Variants in ERC2 observed in about 807,000 individuals in gnomAD.
ERC2 encodes the protein ERC protein 2.
In ERC2, 42 loss-of-function variants were observed where a neutral mutation model predicts 114.8. The ratio of observed to expected loss-of-function variants is 0.37; its 90% CI spans 0.29 to 0.47. The LOEUF is 0.47. Among genes scored for constraint, ERC2 ranks in the 20% least tolerant of loss-of-function variants. The pLI is 0.99. For missense variants in ERC2, 939 were observed against 1,150.7 expected (o/e 0.82, Z 2.66); for synonymous variants, 454 against 425.5 (o/e 1.07, Z -0.82).
chr3:56,149,160 A>C (rs1447209811), intron 4 of ERC2, 28 bp from the exon 5 acceptor site: 1 of 1,528,342 alleles, frequency 6.5e-7, no homozygotes, highest in South Asian at 1.3e-5. Context: ...AAGAAAAAGA[A>C]AAATAAAGAA....
chr3:56,177,715 A>G (rs1026349787), intron 3 of ERC2, among the ~76,000 whole-genome samples: 2 of 152,192 alleles, frequency 1.3e-5, no homozygotes, highest in Non-Finnish European at 2.9e-5. Flanking sequence ...AAAAGTCAGG[A>G]GCCTGCAGTC....
intron 17 of ERC2, among the ~76,000 whole-genome samples, chr3:55,514,715 AC>A (rs1007700496): frequency 6.6e-6 from 1 of 152,080 alleles, no homozygotes; most frequent in Non-Finnish European, 1.5e-5. Flanking sequence ...TCTGCCAAAA[AC>A]CCGAAGGAGC....
chr3:56,058,484 TTA>T (rs1226329645), intron 7 of ERC2, among the ~76,000 whole-genome samples: 1 of 152,208 alleles, frequency 6.6e-6, no homozygotes, highest in Admixed American at 6.5e-5. Flanking sequence ...ACTGTTAATT[TTA>T]TGTGTCAATT....
At chr3:55,662,226 T>C (rs1159234027) in intron 17 of ERC2, among the ~76,000 whole-genome samples, 1 of 152,242 alleles carries the variant, frequency 6.6e-6, no homozygotes, top group African/African-American at 2.4e-5. Flanking sequence ...TGGGTCTCTA[T>C]TGTGCAGAAA....
intron 17 of ERC2, among the ~76,000 whole-genome samples, chr3:55,643,208 T>C (rs2060259482): frequency 6.6e-6 from 1 of 152,244 alleles, no homozygotes; most frequent in Non-Finnish European, 1.5e-5. Flanking sequence ...GCAATCATCA[T>C]AGATTTAGAA....
At chr3:56,372,728 G>GA (rs537405908) in intron 2 of ERC2, among the ~76,000 whole-genome samples, 3 of 151,600 alleles carry the variant, frequency 2.0e-5, no homozygotes, top group Admixed American at 6.6e-5. Context: ...ACTCTGCCTT[G>GA]AAAAAAAAGA....
At chr3:55,831,978 TACGTCC>T (rs1200868139) in intron 14 of ERC2, among the ~76,000 whole-genome samples, 1 of 152,238 alleles carries the variant, frequency 6.6e-6, no homozygotes, top group Non-Finnish European at 1.5e-5. Flanking sequence ...CAGAGGGTCC[TACGTCC>T]ACGGAGTTTC....
intron 6 of ERC2, among the ~76,000 whole-genome samples, chr3:56,093,407 C>T (rs900326722): frequency 3.3e-5 from 5 of 152,062 alleles, no homozygotes; most frequent in African/African-American, 9.7e-5. Context: ...TTCTATGATA[C>T]ATTCCCTCCA....
intron 2 of ERC2, among the ~76,000 whole-genome samples, chr3:56,300,836 T>C (rs537458665): frequency 2.0e-5 from 3 of 152,300 alleles, no homozygotes; most frequent in South Asian, 2.1e-4. Context: ...CACGACATCA[T>C]TGGCCTCTGA....
At chr3:56,362,499 G>A (rs965973301) in intron 2 of ERC2, among the ~76,000 whole-genome samples, 5 of 152,142 alleles carry the variant, frequency 3.3e-5, no homozygotes, top group Admixed American at 1.3e-4. Context: ...TGTTGGGGAA[G>A]GAAAGAGATA....
At chr3:56,396,872 C>T (rs1010214273) in intron 2 of ERC2, among the ~76,000 whole-genome samples, 14 of 152,084 alleles carry the variant, frequency 9.2e-5, no homozygotes, top group Middle Eastern at 3.2e-3. Context: ...GTGGCTGCTT[C>T]CTACCTTCCA....
intron 15 of ERC2, among the ~76,000 whole-genome samples, chr3:55,717,053 G>A (rs115858890): frequency 0.019 from 2,854 of 152,150 alleles, 37 homozygotes; most frequent in Middle Eastern, 0.031. Flanking sequence ...CCCTAGAGTA[G>A]GTATTCAGTG....
At chr3:55,813,014 T>C (rs1292820780) in intron 14 of ERC2, among the ~76,000 whole-genome samples, 3 of 152,254 alleles carry the variant, frequency 2.0e-5, no homozygotes, top group Non-Finnish European at 2.9e-5. Flanking sequence ...CACTTTCTTA[T>C]TTCAATTCTC....
At chr3:56,363,081 G>T (rs2059019443) in intron 2 of ERC2, among the ~76,000 whole-genome samples, 1 of 152,126 alleles carries the variant, frequency 6.6e-6, no homozygotes, top group Admixed American at 6.6e-5. Flanking sequence ...ATACTTTTAT[G>T]ATATAGAAGG....
At chr3:56,236,894 C>T (rs551476048) in intron 3 of ERC2, among the ~76,000 whole-genome samples, 60 of 152,076 alleles carry the variant, frequency 3.9e-4, no homozygotes, top group Non-Finnish European at 6.9e-4. Context: ...AATAGACATA[C>T]GTAACAAGTG....
chr3:56,167,988 G>A (rs773304010), intron 4 of ERC2, among the ~76,000 whole-genome samples: 22 of 152,130 alleles, frequency 1.4e-4, no homozygotes, highest in Non-Finnish European at 2.6e-4. Context: ...CCCATTCTAG[G>A]ATGCAAACCT....
intron 1 of ERC2, among the ~76,000 whole-genome samples, chr3:56,441,593 T>C (rs2062310512): frequency 6.6e-6 from 1 of 152,202 alleles, no homozygotes; most frequent in African/African-American, 2.4e-5. Context: ...AGCTCTTACT[T>C]CCCTAGGATA....
intron 2 of ERC2, among the ~76,000 whole-genome samples, chr3:56,335,179 C>T (rs1162800909): frequency 6.6e-6 from 1 of 152,222 alleles, no homozygotes; most frequent in Non-Finnish European, 1.5e-5. Context: ...GGCATTTACA[C>T]TAGCATGTCA....
intron 7 of ERC2, among the ~76,000 whole-genome samples, chr3:56,038,421 A>C (rs1404910079): frequency 1.3e-5 from 2 of 152,186 alleles, no homozygotes; most frequent in East Asian, 3.8e-4. Context: ...TTATTAAAAA[A>C]ATCAAGAAAC....
Sources: gnomAD v4.1 joint callset for allele counts (sites outside exome capture counted in the v4.1 genomes callset) on GRCh38, gnomAD v4.1.1 for gene constraint, MANE v1.5 for transcripts, NCBI Gene and HGNC (gene_info 2026-07-23, HGNC 2026-07-21) for gene names.